The following RIMBP2 variants were observed in gnomAD, a reference collection of about 807,000 sequenced individuals.
The protein encoded by RIMBP2 is RIMS-binding protein 2.
A neutral mutation model predicts 118.6 loss-of-function variants in RIMBP2; 48 were observed. That is an observed-to-expected ratio of 0.40 (90% confidence interval 0.32 to 0.51). The LOEUF (loss-of-function observed/expected upper bound fraction) is 0.51, where lower values mean the gene tolerates loss of function less well. Among genes scored for constraint, RIMBP2 ranks in the 20% least tolerant of loss-of-function variants. The pLI is 0.41. For synonymous variants in RIMBP2, 762 were observed against 742.9 expected (o/e 1.03, Z -0.42); for missense variants, 1,551 against 1,768.3 (o/e 0.88, Z 2.20).
chr12:130,631,589 C>T (rs1191302000), intron 1 of RIMBP2, among the ~76,000 whole-genome samples: 1 of 151,958 alleles, frequency 6.6e-6, no homozygotes, highest in South Asian at 2.1e-4. Context: ...CCCTGAAAGG[C>T]AAAACTGCCC....
intron 1 of RIMBP2, among the ~76,000 whole-genome samples, chr12:130,686,445 C>T (rs1307656837): frequency 6.6e-6 from 1 of 152,226 alleles, no homozygotes; most frequent in Non-Finnish European, 1.5e-5. Context: ...ACCTCGTCCC[C>T]TTTGTCCCAC....
In RIMBP2 at chr12:130,399,714, A is replaced by G; in HGVS notation, c.3865T>C (p.Ser1289Pro). Residue 1289 changes from serine to proline, a missense_variant, in exon 22 of 23, where the codon TCT (serine) becomes CCT (proline). Physicochemically the swap from Ser to Pro is moderately conservative, Grantham distance 74. Around this residue, in one of 5 missense-constraint regions of RIMBP2, gnomAD observed 1,038 missense variants for 1,125.1 expected, o/e 0.92. Coordinates refer to ENST00000690449, the MANE Select transcript of RIMBP2 (RefSeq NM_001393629.1). ...VYLSDAPSHY[S>P]QDTPMRSKAK... is the part of the protein sequence containing the mutation. ...TTTGAGCGCATTGGCGTATCTTGAG[A>G]GTAGTGGGATGGAGCATCAGAAAGA... 6.2e-7 allele frequency: 1 copy of G among 1,614,190 alleles called. No individual in the cohort carries two copies. The highest frequency in any genetic ancestry group is 1.1e-5 in the South Asian group (1 of 91,084).
Position 130,701,097 on chromosome 12 carries a change from C to T in RIMBP2, c.-352+15125G>A, listed in dbSNP as rs562315822. 1.1e-4 allele frequency among the ~76,000 whole-genome samples: 17 copies of T among 152,324 alleles called. No homozygotes were observed. In the South Asian group the frequency reaches 1.4e-3, roughly 13 times the overall value. On this transcript the variant is annotated intron_variant, in intron 1 of 22. Coordinates refer to ENST00000690449, the MANE Select transcript of RIMBP2 (RefSeq NM_001393629.1). ...GGCTAAAACACAAATACAAGGTTTC[C>T]GTGTGATTTCGAAGGATGGGCAGGA...
chr12:130,703,703 G>C lies in RIMBP2; in HGVS notation c.-352+12519C>G, dbSNP rs147966728. Among the ~76,000 whole-genome samples the C allele has an allele frequency of 6.6e-6, 1 of 152,356 alleles. No individual in the cohort carries two copies. The highest frequency in any genetic ancestry group is 2.4e-5 in the African/African-American group (1 of 41,584). ...CCCTGGGGTCGGGTGGCTTCTCCAC[G>C]TCTTAAATAAGATTCAGTTGTCATG... On this transcript the variant is annotated intron_variant, in intron 1 of 22. Transcript: ENST00000690449. This position sits in a 1 kb window ranked among gnomAD's most constrained non-coding sequence, Gnocchi z 5.7.
intron 6 of RIMBP2, among the ~76,000 whole-genome samples, chr12:130,468,317 G>A (rs2080688072): frequency 6.6e-6 from 1 of 152,174 alleles, no homozygotes; most frequent in Non-Finnish European, 1.5e-5. Flanking sequence ...AGTGGCATGA[G>A]AAACATCTGG....
chr12:130,673,255 C>T (rs978198361), intron 1 of RIMBP2, among the ~76,000 whole-genome samples: 3 of 152,204 alleles, frequency 2.0e-5, no homozygotes, highest in Non-Finnish European at 4.4e-5. Context: ...CGGGCTGGCT[C>T]GTCTGCCAAC....
At chr12:130,625,506 C>T (rs1420950125) in intron 2 of RIMBP2, among the ~76,000 whole-genome samples, 2 of 150,264 alleles carry the variant, frequency 1.3e-5, no homozygotes, top group African/African-American at 4.9e-5. Context: ...AAATGTGCAG[C>T]CCATCTCAGA....
At chr12:130,458,135 C>T (rs553715291) in intron 6 of RIMBP2, among the ~76,000 whole-genome samples, 58 of 151,430 alleles carry the variant, frequency 3.8e-4, no homozygotes, top group African/African-American at 1.4e-3. Flanking sequence ...CCACAGGCAG[C>T]AGGCTTCTCA....
intron 2 of RIMBP2, among the ~76,000 whole-genome samples, chr12:130,616,231 C>T (rs902421047): frequency 6.6e-6 from 1 of 152,138 alleles, no homozygotes; most frequent in Middle Eastern, 3.2e-3. Context: ...ACACATGCCA[C>T]ATTCTGTCTC....
intron 1 of RIMBP2, among the ~76,000 whole-genome samples, chr12:130,650,510 G>C (rs775143563): frequency 5.9e-5 from 9 of 152,268 alleles, no homozygotes; most frequent in Middle Eastern, 3.2e-3. Context: ...GCGTGACCCA[G>C]TCACAGGGGC....
At chr12:130,549,453 T>C (rs2055516639) in intron 2 of RIMBP2, among the ~76,000 whole-genome samples, 1 of 152,174 alleles carries the variant, frequency 6.6e-6, no homozygotes, top group Non-Finnish European at 1.5e-5. Flanking sequence ...TCGTACAGAT[T>C]ATGTCATCAC....
At chr12:130,479,872 G>A (rs184475617) in intron 4 of RIMBP2, among the ~76,000 whole-genome samples, 3 of 151,762 alleles carry the variant, frequency 2.0e-5, no homozygotes, top group African/African-American at 7.2e-5. Context: ...CCAGTGCTCA[G>A]GGTTTAACTC....
chr12:130,496,958 G>A (rs552883380), intron 4 of RIMBP2, among the ~76,000 whole-genome samples: 68 of 152,278 alleles, frequency 4.5e-4, no homozygotes, highest in African/African-American at 1.3e-3. Context: ...CCTGGAGGCC[G>A]GAAGTCTTCA....
intron 2 of RIMBP2, among the ~76,000 whole-genome samples, chr12:130,601,018 C>T (rs61420279): frequency 0.4 from 61,127 of 151,882 alleles, 13,077 homozygotes; most frequent in African/African-American, 0.54. Flanking sequence ...GCCGAGTACA[C>T]CCTTCATTTC....
chr12:130,565,444 A>G (rs745867258), intron 2 of RIMBP2, among the ~76,000 whole-genome samples: 28 of 152,174 alleles, frequency 1.8e-4, no homozygotes, highest in African/African-American at 3.1e-4. Flanking sequence ...CCATGCATCA[A>G]TGATGTTGTT....
At chr12:130,689,307 C>T (rs142309908) in intron 1 of RIMBP2, among the ~76,000 whole-genome samples, 1 of 152,230 alleles carries the variant, frequency 6.6e-6, no homozygotes, top group Non-Finnish European at 1.5e-5. Context: ...GTGGTGCGTG[C>T]CTGTAATTCC....
At chr12:130,443,246 CA>C (rs59960598) in intron 10 of RIMBP2, among the ~76,000 whole-genome samples, 1,822 of 114,986 alleles carry the variant, frequency 0.016, 19 homozygotes, top group East Asian at 0.076. Context: ...AGTTGTGTGG[CA>C]AAAAAAAAAA....
intron 4 of RIMBP2, among the ~76,000 whole-genome samples, chr12:130,494,467 C>T (rs1003953494): frequency 1.3e-5 from 2 of 151,992 alleles, no homozygotes; most frequent in African/African-American, 2.4e-5. Context: ...GCTGAAACCC[C>T]GTCTCTACTC....
rs1008497885 is a variant in RIMBP2 at position 130,688,466 on chromosome 12, G to T, written c.-352+27756C>A. Among the ~76,000 whole-genome samples the T allele has an allele frequency of 3.3e-5, 5 of 152,192 alleles. No individual in the cohort carries two copies. Among genetic ancestry groups the T allele is most frequent in the African/African-American group, 1.2e-4 (5 of 41,456 alleles). ...AAGAGAAAGAGAAGTAATTGACATT[G>T]AGTGAACATACACACCACTGTCCCT... On this transcript the variant is annotated intron_variant, in intron 1 of 22. Coordinates refer to ENST00000690449, the MANE Select transcript of RIMBP2 (RefSeq NM_001393629.1). The surrounding 1 kb of genome is among the most constrained non-coding windows in gnomAD (Gnocchi z 4.7).
Sources: allele counts gnomAD v4.1 joint callset (sites outside exome capture counted in the v4.1 genomes callset), GRCh38; gene constraint gnomAD v4.1.1; regional missense constraint gnomAD v4.1.1; non-coding constraint Gnocchi (gnomAD v3.1); transcripts MANE v1.5; gene names NCBI Gene and HGNC (gene_info 2026-07-23, HGNC 2026-07-21).